Variants in ARHGEF28 observed in about 807,000 individuals in gnomAD.
ARHGEF28 encodes 190 kDa guanine nucleotide exchange factor.
ARHGEF28 carries 152 observed loss-of-function variants against 206.6 expected under a neutral mutation model. The ratio of observed to expected loss-of-function variants is 0.74; its 90% CI spans 0.64 to 0.84. ARHGEF28 has a LOEUF of 0.84. Ranked by LOEUF, ARHGEF28 falls within the 40% of genes least tolerant of loss-of-function variation. The pLI is 0.00. For missense variants in ARHGEF28, 2,028 were observed against 2,073.2 expected, an observed-to-expected ratio of 0.98 and a Z score of 0.42; for synonymous variants, 763 against 776.4, an observed-to-expected ratio of 0.98 and a Z score of 0.29.
At chr5:73,661,820 T>A (rs1032970957) in intron 1 of ARHGEF28, among the ~76,000 whole-genome samples, 3 of 152,190 alleles carry the variant, frequency 2.0e-5, no homozygotes, top group Admixed American at 2.0e-4. Context: ...CATCAAAGAT[T>A]ACTGGTCATA....
At chr5:73,879,119 C>T (rs1039661634) in intron 22 of ARHGEF28, among the ~76,000 whole-genome samples, 2 of 152,210 alleles carry the variant, frequency 1.3e-5, no homozygotes, top group South Asian at 2.1e-4. Context: ...AGGCTTTGTT[C>T]GTTTCTTTTT....
intron 2 of ARHGEF28, among the ~76,000 whole-genome samples, chr5:73,722,874 T>G (rs1750044360): frequency 6.6e-6 from 1 of 152,226 alleles, no homozygotes; most frequent in Non-Finnish European, 1.5e-5. Flanking sequence ...ATGAACAGAT[T>G]AGTATAGTAC....
intron 2 of ARHGEF28, among the ~76,000 whole-genome samples, chr5:73,690,578 G>C (rs999236093): frequency 9.9e-5 from 14 of 141,338 alleles, no homozygotes; most frequent in Admixed American, 3.6e-4. Flanking sequence ...CAAGCCTATA[G>C]TCCCAGCTAC....
chr5:73,684,166 A>G (rs116573297), intron 1 of ARHGEF28, among the ~76,000 whole-genome samples: 2,528 of 152,290 alleles, frequency 0.017, 62 homozygotes, highest in African/African-American at 0.057. Flanking sequence ...CACCCCCACC[A>G]GCCATCTCCA....
At chr5:73,935,596 T>C (rs1764374204) in intron 35 of ARHGEF28, among the ~76,000 whole-genome samples, 1 of 152,198 alleles carries the variant, frequency 6.6e-6, no homozygotes, top group East Asian at 1.9e-4. Flanking sequence ...AGTAATGCCA[T>C]CAGGAAATGA....
chr5:73,800,339 A>G (rs1561412879), intron 9 of ARHGEF28, among the ~76,000 whole-genome samples: 2 of 152,226 alleles, frequency 1.3e-5, no homozygotes, highest in Non-Finnish European at 2.9e-5. Context: ...GATTACTTCT[A>G]TAAGACGAAA....
chr5:73,927,399 G>A (rs1763880225), intron 35 of ARHGEF28, among the ~76,000 whole-genome samples: 1 of 152,118 alleles, frequency 6.6e-6, no homozygotes, highest in Admixed American at 6.5e-5. Flanking sequence ...TCCAGTGCTA[G>A]TCACAGGTCA....
In ARHGEF28 at chr5:73,721,172, G is replaced by A. The variant is rs1561356512; in HGVS notation, c.34-28665G>A. Among the ~76,000 whole-genome samples the A allele has an allele frequency of 2.0e-5, 3 of 152,128 alleles. 1 individual carries two copies. Among genetic ancestry groups the A allele is most frequent in the South Asian group, 4.1e-4 (2 of 4,830 alleles). On this transcript the variant is annotated intron_variant, in intron 2 of 35. Transcript: ENST00000513042. ...CTGGAAGAGCAGGGGAAGCCACAGAGGCTGCTCTCCACCATGTATGAGGAA... is the reference window on the plus strand; with the variant it reads ...CTGGAAGAGCAGGGGAAGCCACAGAAGCTGCTCTCCACCATGTATGAGGAA...
At chr5:73,843,065 T>C (rs1161788871) in intron 11 of ARHGEF28, among the ~76,000 whole-genome samples, 1 of 152,018 alleles carries the variant, frequency 6.6e-6, no homozygotes, top group Non-Finnish European at 1.5e-5. Flanking sequence ...TTAGAAGTCT[T>C]CTAGGAATAT....
intron 1 of ARHGEF28, among the ~76,000 whole-genome samples, chr5:73,651,022 A>G (rs1744792189): frequency 6.6e-6 from 1 of 152,260 alleles, no homozygotes; most frequent in South Asian, 2.1e-4. Context: ...AAGTACTTTC[A>G]AAAGACAAAT....
At chr5:73,705,573 T>G (rs1311390885) in intron 2 of ARHGEF28, among the ~76,000 whole-genome samples, 6 of 152,162 alleles carry the variant, frequency 3.9e-5, no homozygotes, top group Non-Finnish European at 7.3e-5. Context: ...TTTCCATAAA[T>G]TAAGACCACC....
chr5:73,784,908 C>T (rs1304616533), intron 7 of ARHGEF28, among the ~76,000 whole-genome samples: 2 of 152,122 alleles, frequency 1.3e-5, no homozygotes, highest in East Asian at 3.9e-4. Context: ...ATAAGCACTG[C>T]CATACTGAAA....
intron 9 of ARHGEF28, among the ~76,000 whole-genome samples, chr5:73,808,044 G>A (rs549378434): frequency 6.6e-6 from 1 of 152,088 alleles, no homozygotes; most frequent in East Asian, 1.9e-4. Context: ...AACCTCTGCA[G>A]GTGCACATAA....
chr5:73,907,416 A>G (rs890462690), intron 33 of ARHGEF28, among the ~76,000 whole-genome samples: 3 of 152,366 alleles, frequency 2.0e-5, no homozygotes, highest in Middle Eastern at 3.4e-3. Context: ...CAAAGTCTAC[A>G]GTGAATTATT....
Position 73,941,310 on chromosome 5 carries a change from ATTTT to A in ARHGEF28, c.*298_*301del, listed in dbSNP as rs1010601873. 4 of 168,044 alleles carry A rather than the reference ATTTT, an allele frequency of 2.4e-5. No individual in the cohort carries two copies. The highest frequency in any genetic ancestry group is 9.5e-5 in the African/African-American group (4 of 42,016). 10.4% of individuals were successfully genotyped at this position (168,044 alleles called of 1,614,324 possible). A position where few individuals can be genotyped will look rare whatever the true frequency, so the allele number is the denominator to read the frequency against. On this transcript the variant is annotated 3_prime_UTR_variant, in exon 36 of 36. Transcript: ENST00000513042. The stretch of plus-strand genomic sequence containing the variant: ...ACGCTAGAGTAAAATTCCATGTCAC[ATTTT>A]CTACCCAATCATCTGGATTTCAAGA...
chr5:73,754,273 C>A (rs1752184632), intron 4 of ARHGEF28, among the ~76,000 whole-genome samples: 1 of 152,144 alleles, frequency 6.6e-6, no homozygotes, highest in Non-Finnish European at 1.5e-5. Flanking sequence ...CCAAAAGGAT[C>A]TCTGTTTCTT....
intron 4 of ARHGEF28, among the ~76,000 whole-genome samples, chr5:73,760,046 G>A (rs1752522642): frequency 3.3e-5 from 5 of 151,934 alleles, no homozygotes; most frequent in Admixed American, 3.3e-4. Flanking sequence ...AGAAAATAGA[G>A]CAAGGCCCCA....
At chr5:73,841,129 G>A (rs1757961767) in intron 11 of ARHGEF28, among the ~76,000 whole-genome samples, 1 of 152,188 alleles carries the variant, frequency 6.6e-6, no homozygotes, top group Non-Finnish European at 1.5e-5. Flanking sequence ...AGTCAAATAT[G>A]CATTTTCCTC....
chr5:73,798,297 G>A (rs1337765310), intron 9 of ARHGEF28, among the ~76,000 whole-genome samples: 2 of 152,114 alleles, frequency 1.3e-5, no homozygotes, highest in African/African-American at 2.4e-5. Flanking sequence ...ACTCTATTGT[G>A]CTATCAAATA....
Sources: allele counts gnomAD v4.1 joint callset (sites outside exome capture counted in the v4.1 genomes callset), GRCh38; gene constraint gnomAD v4.1.1; transcripts MANE v1.5; gene names NCBI Gene and HGNC (gene_info 2026-07-23, HGNC 2026-07-21).